Variants in MYO1C observed in about 807,000 individuals in gnomAD.
MYO1C encodes unconventional myosin-Ic.
MYO1C carries 104 observed loss-of-function variants against 150.8 expected under a neutral mutation model. That is an observed-to-expected ratio of 0.69 (90% CI 0.59 to 0.81). The LOEUF (loss-of-function observed/expected upper bound fraction) is 0.81, where lower values mean the gene tolerates loss of function less well. Ranked by LOEUF, MYO1C falls within the 30% of genes least tolerant of loss-of-function variation. The pLI, the probability that MYO1C is intolerant of heterozygous loss-of-function variation, is 0.00. For synonymous variants in MYO1C, 663 were observed against 579.9 expected, an observed-to-expected ratio of 1.14 and a Z score of -2.06; for missense variants, 1,504 against 1,435.0, an observed-to-expected ratio of 1.05 and a Z score of -0.78.
At chr17:1,486,641 G>T (rs956924961) in intron 1 of MYO1C, among the ~76,000 whole-genome samples, 1 of 151,872 alleles carries the variant, frequency 6.6e-6, no homozygotes, top group Admixed American at 6.6e-5. Flanking sequence ...TCAGCCTCCC[G>T]AGTAGCTGGG....
At chr17:1,476,722 C>T (rs1033619571) in intron 14 of MYO1C, among the ~76,000 whole-genome samples, 4 of 152,172 alleles carry the variant, frequency 2.6e-5, no homozygotes, top group African/African-American at 9.7e-5. Flanking sequence ...TCTACCTCTC[C>T]CCACTTCAGA....
chr17:1,480,957 C>G, intron 5 of MYO1C, 72 bp from the exon 6 acceptor site: 1 of 1,546,676 alleles, frequency 6.5e-7, no homozygotes, highest in Non-Finnish European at 8.8e-7. Flanking sequence ...CTCTTCTCCC[C>G]TGCACTCCTG....
At chr17:1,491,824 C>T in intron 1 of MYO1C, 1 of 256,640 alleles carries the variant, frequency 3.9e-6, no homozygotes, top group Non-Finnish European at 6.1e-6. Flanking sequence ...TCGGCCCGTT[C>T]CCGGGGCCAC....
intron 27 of MYO1C, 55 bp from the exon 28 acceptor site, chr17:1,468,178 C>G: frequency 1.9e-6 from 3 of 1,611,258 alleles, no homozygotes; most frequent in Non-Finnish European, 1.7e-6. Flanking sequence ...AGGCTCCGCC[C>G]CTGCCCTGAC....
At chr17:1,487,238 G>A (rs963528439) in intron 1 of MYO1C, 1 of 152,420 alleles carries the variant, frequency 6.6e-6, no homozygotes, top group Non-Finnish European at 1.5e-5. Flanking sequence ...CCTACTGAGA[G>A]CCAGGCCGTG....
chr17:1,479,559 G>T lies in MYO1C; in HGVS notation c.1020+33C>A. 2.7e-6 allele frequency: 2 copies of T among 737,422 alleles called. No individual in the cohort carries two copies. 45.7% of individuals were successfully genotyped at this position (737,422 alleles called of 1,614,324 possible). A position where few individuals can be genotyped will look rare whatever the true frequency, so the allele number is the denominator to read the frequency against. On this transcript the variant is annotated intron_variant, in intron 8 of 31. Transcript: ENST00000648651. The surrounding 1 kb of genome is among the most constrained non-coding windows in gnomAD (Gnocchi z 4.2). ...TGCACCCCCAGCCCCCGCCCCCGCC[G>T]TCCTCCCGTCGCCCTCTGCCCGCCC... is the stretch of plus-strand genomic sequence containing the variant.
At chr17:1,488,960 CTGCGGACAGCGGAAAGCTCA>C (rs2074698500) in intron 1 of MYO1C, among the ~76,000 whole-genome samples, 1 of 152,228 alleles carries the variant, frequency 6.6e-6, no homozygotes, top group Non-Finnish European at 1.5e-5. Context: ...AGCCTGACTT[CTGCGGACAGCGGAAAGCTCA>C]AATGTTCCCC....
intron 7 of MYO1C, 55 bp downstream of exon 7, chr17:1,480,472 A>AG (rs2074496933): frequency 7.1e-7 from 1 of 1,408,722 alleles, no homozygotes; most frequent in Non-Finnish European, 1.0e-6. Context: ...CAAAAAAAAA[A>AG]GGAGATTTTG....
chr17:1,470,664 C>T lies in MYO1C; in HGVS notation c.2238G>A (p.Arg746=). 1 of 1,609,258 alleles carries T rather than the reference C, an allele frequency of 6.2e-7. No homozygotes were observed. The highest frequency in any genetic ancestry group is 8.5e-7 in the Non-Finnish European group (1 of 1,179,766). ...SLATKIQAAW[R]GFHWRQKFLR... ...GGAATTTCTGCCGCCAGTGAAAGCC[C>T]CTCCAGGCAGCTTGGATCTTTGTGG... Residue 746 remains arginine (R), a synonymous_variant, in exon 22 of 32, where the codon AGG becomes AGA. Transcript: ENST00000648651.
In MYO1C at chr17:1,465,841, C is replaced by T. The variant is rs1303284204; in HGVS notation, c.3166-89G>A. 4 of 1,020,950 alleles carry T rather than the reference C, an allele frequency of 3.9e-6. No homozygotes were observed. The East Asian group carries it at 1.2e-4, about 30-fold the overall frequency. The allele number at this position is 1,020,950 out of a possible 1,614,324, so 63.2% of individuals were successfully genotyped here. ...CTTTTCTTTTCGTCCTTGTTTTTTC[C>T]TTTTTATGGAGAATGGGGTCTCGCT... On this transcript the variant is annotated intron_variant, in intron 31 of 31. Coordinates refer to ENST00000648651, the MANE Select transcript of MYO1C (RefSeq NM_001080779.2).
At chr17:1,477,105 C>T (rs185239034) in intron 14 of MYO1C, among the ~76,000 whole-genome samples, 2 of 151,990 alleles carry the variant, frequency 1.3e-5, no homozygotes, top group Admixed American at 6.5e-5. Context: ...TCCCAAAGTG[C>T]TAGGATTACA....
chr17:1,485,506 C>G, intron 1 of MYO1C: 1 of 588,640 alleles, frequency 1.7e-6, no homozygotes, highest in Non-Finnish European at 2.3e-6. Context: ...GGCTCCTCAT[C>G]CGGCCCCGGG....
intron 1 of MYO1C, among the ~76,000 whole-genome samples, chr17:1,489,016 C>T (rs138946315): frequency 0.035 from 5,367 of 152,182 alleles, 214 homozygotes; most frequent in South Asian, 0.22. Context: ...CAGATCTTGC[C>T]ATGGGGTAGG....
chr17:1,480,666 G>C lies in MYO1C; in HGVS notation c.807+40C>G. 4 of 1,614,004 alleles carry C rather than the reference G, an allele frequency of 2.5e-6. No individual in the cohort carries two copies. The South Asian group carries it at 4.4e-5, about 18-fold the overall frequency. On this transcript the variant is annotated intron_variant, in intron 6 of 31. Coordinates refer to ENST00000648651, the MANE Select transcript of MYO1C (RefSeq NM_001080779.2). ...AGCTGGGTTGCCAGCCCTGGCACCA[G>C]ATCCCTGGGTGGCACCTGCCCTCCC...
chr17:1,475,181 GA>G, intron 14 of MYO1C, 149 bp from the exon 15 acceptor site: 1 of 766,644 alleles, frequency 1.3e-6, no homozygotes, highest in Admixed American at 2.0e-5. Context: ...AGCAGTTGGG[GA>G]GGCCGAGGTG....
chr17:1,478,693 C>T lies in MYO1C; in HGVS notation c.1135G>A (p.Asp379Asn). 1 of 1,614,164 alleles carries T rather than the reference C, an allele frequency of 6.2e-7. No homozygotes were observed. Among genetic ancestry groups the T allele is most frequent in the Non-Finnish European group, 8.5e-7 (1 of 1,180,040 alleles). Residue 379 changes from aspartate (D) to asparagine (N), a missense_variant, in exon 10 of 32, where the codon GAC (aspartate) becomes AAC (asparagine). Coordinates refer to ENST00000648651, the MANE Select transcript of MYO1C (RefSeq NM_001080779.2). The surrounding 1 kb of genome is among the most constrained non-coding windows in gnomAD (Gnocchi z 6.3). Reference protein sequence around the residue: ...LNLEQAAYARDALAKAVYSRT... With the variant: ...LNLEQAAYARNALAKAVYSRT... ...CTGTACACAGCCTTGGCGAGGGCGT[C>T]TCGTGCGTACGCGGCCTGCTCCAGG...
Position 1,492,515 on chromosome 17 carries a change from G to T in MYO1C, c.-28C>A. On this transcript the variant is annotated 5_prime_UTR_variant, in exon 1 of 32. Coordinates refer to ENST00000648651, the MANE Select transcript of MYO1C (RefSeq NM_001080779.2). ...CGCCCTGCGGAGAGCCAGCGGCCTG[G>T]GCACCGCGGCCTGTGAGCAAGAGCT... The T allele has an allele frequency of 6.3e-7, 1 of 1,575,784 alleles. No individual in the cohort carries two copies. Among genetic ancestry groups the T allele is most frequent in the East Asian group, 2.4e-5 (1 of 42,360 alleles).
chr17:1,483,091 AG>A lies in MYO1C; in HGVS notation c.348-33del, dbSNP rs765219404. 9.6e-6 allele frequency: 15 copies of A among 1,557,104 alleles called. No individual in the cohort carries two copies. The South Asian group carries it at 1.5e-4, about 16-fold the overall frequency. Reference sequence around the variant, plus strand: ...CGGAGGCTCGTCAGGGAGTTTGGGGAGGGGGGCCAAGCAGAGCCCCACGAGA... The same window carrying A: ...CGGAGGCTCGTCAGGGAGTTTGGGGAGGGGGCCAAGCAGAGCCCCACGAGA... On this transcript the variant is annotated intron_variant, in intron 3 of 31. Transcript: ENST00000648651.
Position 1,470,265 on chromosome 17 carries a change from C to T in MYO1C, c.2436G>A (p.Val812=), listed in dbSNP as rs1218898662. The stretch of plus-strand genomic sequence containing the variant: ...TCAGGTTTAGCAAAAAAGAGGTGCG[C>T]ACATGGTCCAGGAAGAAGGCGTTCT... The part of the protein sequence containing the change: ...CPENAFFLDH[V]RTSFLLNLRR... The change falls in exon 24 of 32, where the codon GTG becomes GTA. Residue 812 remains valine (V), a synonymous_variant. Coordinates refer to ENST00000648651, the MANE Select transcript of MYO1C (RefSeq NM_001080779.2). 2 of 1,602,614 alleles carry T rather than the reference C, an allele frequency of 1.2e-6. No individual in the cohort carries two copies. Among genetic ancestry groups the T allele is most frequent in the Admixed American group, 1.7e-5 (1 of 58,176 alleles).
Sources: gnomAD v4.1 joint callset for allele counts (sites outside exome capture counted in the v4.1 genomes callset) on GRCh38, gnomAD v4.1.1 for gene constraint, Gnocchi (gnomAD v3.1) non-coding constraint, MANE v1.5 for transcripts, NCBI Gene and HGNC (gene_info 2026-07-23, HGNC 2026-07-21) for gene names.